The following COL19A1 variants were observed in gnomAD, a reference collection of about 807,000 sequenced individuals.
The protein encoded by COL19A1 is collagen type XIX alpha 1 chain, also known as collagen alpha-1(XIX) chain.
In COL19A1, 159 loss-of-function variants were observed where a neutral mutation model predicts 190.2. The ratio of observed to expected loss-of-function variants is 0.84; its 90% CI spans 0.73 to 0.95. The LOEUF (loss-of-function observed/expected upper bound fraction) is 0.95. COL19A1 is among the 40% of genes least tolerant of loss of function. The pLI is 0.00. For synonymous variants in COL19A1, 509 were observed against 458.9 expected (o/e 1.11, Z -1.39); for missense variants, 1,418 against 1,431.9 (o/e 0.99, Z 0.16).
Position 70,150,047 on chromosome 6 carries a change from T to G in COL19A1, c.2037+2T>G. 1 of 1,613,580 alleles carries G rather than the reference T, an allele frequency of 6.2e-7. No individual in the cohort carries two copies. Among genetic ancestry groups the G allele is most frequent in the Non-Finnish European group, 8.5e-7 (1 of 1,179,752 alleles). On this transcript the variant is annotated splice_donor_variant, in intron 30 of 50. Coordinates refer to ENST00000620364, the MANE Select transcript of COL19A1 (RefSeq NM_001858.6). LOFTEE classifies it high-confidence loss of function. ...CTGCCAGGCCCCCCAGGTGACCCGG[T>G]ATGTAGACAAACCTTGTCTGATTTA...
At chr6:70,150,875 C>A (rs897647019) in intron 30 of COL19A1, among the ~76,000 whole-genome samples, 1 of 152,084 alleles carries the variant, frequency 6.6e-6, no homozygotes, top group Non-Finnish European at 1.5e-5. Flanking sequence ...CATCTCAAGA[C>A]GTGTGGCCAA....
chr6:70,153,955 C>T (rs754231725), intron 31 of COL19A1, among the ~76,000 whole-genome samples: 1 of 152,048 alleles, frequency 6.6e-6, no homozygotes, highest in Non-Finnish European at 1.5e-5. Context: ...AGAGCTTTTT[C>T]ACCCAGCATT....
In COL19A1 at chr6:70,209,015, T is replaced by C. The variant is rs1182777255; in HGVS notation, c.*1741T>C. On this transcript the variant is annotated 3_prime_UTR_variant, in exon 51 of 51. Coordinates refer to ENST00000620364, the MANE Select transcript of COL19A1 (RefSeq NM_001858.6). Reference sequence around the variant, plus strand: ...TATTTTCCAAGGTTATTTTATTTATTGTAAGCATTTTGACATTGATTTTTT... The same window carrying C: ...TATTTTCCAAGGTTATTTTATTTATCGTAAGCATTTTGACATTGATTTTTT... The C allele has an allele frequency of 6.6e-6, 1 of 152,646 alleles. No homozygotes were observed. The highest frequency in any genetic ancestry group is 1.5e-5 in the Non-Finnish European group (1 of 68,046). 9.5% of individuals were successfully genotyped at this position (152,646 alleles called of 1,614,324 possible).
chr6:70,182,800 A>G (rs1358357937), intron 44 of COL19A1, among the ~76,000 whole-genome samples: 1 of 152,210 alleles, frequency 6.6e-6, no homozygotes, highest in Non-Finnish European at 1.5e-5. Context: ...AGAATGATCC[A>G]GTTGAGAGAG....
intron 14 of COL19A1, among the ~76,000 whole-genome samples, chr6:70,040,803 G>C (rs942044523): frequency 1.3e-5 from 2 of 152,124 alleles, no homozygotes; most frequent in Non-Finnish European, 2.9e-5. Context: ...TAAATATTCT[G>C]TCAATCTACT....
At chr6:70,162,591 T>C (rs1372109342) in intron 35 of COL19A1, among the ~76,000 whole-genome samples, 1 of 152,194 alleles carries the variant, frequency 6.6e-6, no homozygotes. Flanking sequence ...AAATAATTGT[T>C]TAATATAAGT....
intron 48 of COL19A1, among the ~76,000 whole-genome samples, chr6:70,198,997 C>A (rs1042172597): frequency 3.3e-5 from 5 of 152,152 alleles, no homozygotes; most frequent in Admixed American, 3.3e-4. Flanking sequence ...CTTGGGTGAC[C>A]TCACTCCATG....
At chr6:70,063,827 C>T (rs1359630699) in intron 14 of COL19A1, among the ~76,000 whole-genome samples, 2 of 152,088 alleles carry the variant, frequency 1.3e-5, no homozygotes, top group Non-Finnish European at 2.9e-5. Context: ...TACAAACTAC[C>T]ATAAGAGAAT....
chr6:69,928,639 G>A (rs949541147), intron 5 of COL19A1, among the ~76,000 whole-genome samples: 1 of 152,108 alleles, frequency 6.6e-6, no homozygotes, highest in Non-Finnish European at 1.5e-5. Flanking sequence ...GCTTAGTGTT[G>A]GGTGTGGACA....
intron 44 of COL19A1, among the ~76,000 whole-genome samples, chr6:70,183,213 A>G (rs1346749714): frequency 6.6e-6 from 1 of 152,190 alleles, no homozygotes; most frequent in Non-Finnish European, 1.5e-5. Context: ...ACAAGCGAGC[A>G]AAGATACGTG....
chr6:70,132,605 G>A (rs570382355), intron 18 of COL19A1, among the ~76,000 whole-genome samples: 23 of 152,126 alleles, frequency 1.5e-4, no homozygotes, highest in Middle Eastern at 3.2e-3. Flanking sequence ...CACCTGTGGC[G>A]AACCCCAGTG....
intron 49 of COL19A1, among the ~76,000 whole-genome samples, chr6:70,204,931 C>A (rs147562756): frequency 6.6e-6 from 1 of 152,170 alleles, no homozygotes; most frequent in East Asian, 1.9e-4. Flanking sequence ...TTTCAAATGA[C>A]CCTAAGTATA....
intron 48 of COL19A1, among the ~76,000 whole-genome samples, chr6:70,194,339 T>TA (rs1159852250): frequency 3.3e-5 from 5 of 152,150 alleles, no homozygotes; most frequent in African/African-American, 1.2e-4. Context: ...CACCTGGTGA[T>TA]ACAATACCCT....
intron 4 of COL19A1, among the ~76,000 whole-genome samples, chr6:69,902,152 T>C (rs1364141245): frequency 6.6e-6 from 1 of 152,176 alleles, no homozygotes; most frequent in East Asian, 1.9e-4. Context: ...TCATTTCCAC[T>C]TACATTTCAC....
intron 34 of COL19A1, among the ~76,000 whole-genome samples, chr6:70,160,731 C>T (rs1486817931): frequency 6.6e-6 from 1 of 152,114 alleles, no homozygotes; most frequent in Non-Finnish European, 1.5e-5. Flanking sequence ...TTCTAAAACA[C>T]ATCTAACACT....
Position 70,051,826 on chromosome 6 carries a change from T to G in COL19A1, c.1170+15887T>G, listed in dbSNP as rs181184345. Reference sequence around the variant, plus strand: ...TAACAGCTCTGATTAATATTATCAATAGAGACTGTGACCAAAACTATTCAA... The same window carrying G: ...TAACAGCTCTGATTAATATTATCAAGAGAGACTGTGACCAAAACTATTCAA... On this transcript the variant is annotated intron_variant, in intron 14 of 50. Transcript: ENST00000620364. Among the ~76,000 whole-genome samples the G allele has an allele frequency of 2.5e-3, 376 of 152,264 alleles. 4 individuals carry two copies. Among genetic ancestry groups the G allele is most frequent in the Middle Eastern group, 0.014 (4 of 294 alleles).
chr6:70,149,637 A>G, intron 27 of COL19A1, 67 bp from the exon 28 acceptor site: 1 of 1,586,556 alleles, frequency 6.3e-7, no homozygotes, highest in African/African-American at 1.4e-5. Flanking sequence ...TTAGTCTTTT[A>G]TGTCACTTGG....
intron 6 of COL19A1, among the ~76,000 whole-genome samples, chr6:69,931,865 C>T (rs758906687): frequency 5.9e-5 from 9 of 151,612 alleles, no homozygotes; most frequent in Non-Finnish European, 1.0e-4. Context: ...CCCCTTTTTG[C>T]TTTTAAAGTT....
chr6:69,946,061 G>A (rs1773775022), intron 9 of COL19A1, among the ~76,000 whole-genome samples: 1 of 151,824 alleles, frequency 6.6e-6, no homozygotes, highest in Admixed American at 6.6e-5. Flanking sequence ...CCTGGAGGAT[G>A]TAAAGGAAAG....
Sources: allele counts gnomAD v4.1 joint callset (sites outside exome capture counted in the v4.1 genomes callset), GRCh38; gene constraint gnomAD v4.1.1; transcripts MANE v1.5; gene names NCBI Gene and HGNC (gene_info 2026-07-23, HGNC 2026-07-21).